CHCHD3: variants seen among roughly 807,000 people sequenced by gnomAD.
The protein encoded by CHCHD3 is coiled-coil-helix-coiled-coil-helix domain containing 3.
Under a neutral mutation model 38.2 loss-of-function variants are expected in CHCHD3, and 20 were observed. The observed-to-expected ratio is 0.52, with a 90% confidence interval of 0.37 to 0.76. The LOEUF (loss-of-function observed/expected upper bound fraction) is 0.76. Ranked by LOEUF, CHCHD3 falls within the 30% of genes least tolerant of loss-of-function variation. The pLI, the probability that CHCHD3 is intolerant of heterozygous loss-of-function variation, is 0.00. For synonymous variants in CHCHD3, 82 were observed against 100.0 expected (o/e 0.82, Z 1.07); for missense variants, 245 against 279.2 (o/e 0.88, Z 0.87).
intron 2 of CHCHD3, among the ~76,000 whole-genome samples, chr7:133,050,340 TAAAAAAAAAAAAAAA>T (rs35635002): frequency 1.9e-3 from 60 of 31,852 alleles, no homozygotes; most frequent in South Asian, 2.8e-3. Context: ...GGCTGTGTCT[TAAAAAAAAAAAAAAA>T]AAAAAAAAAA....
intron 3 of CHCHD3, among the ~76,000 whole-genome samples, chr7:132,975,929 A>AC (rs1811755714): frequency 1.3e-5 from 2 of 151,708 alleles, no homozygotes; most frequent in African/African-American, 4.8e-5. Flanking sequence ...TCCGTTTAAA[A>AC]AAAAAAAAAA....
chr7:132,848,730 T>C (rs534283232), intron 5 of CHCHD3, among the ~76,000 whole-genome samples: 1 of 152,276 alleles, frequency 6.6e-6, no homozygotes, highest in Non-Finnish European at 1.5e-5. Flanking sequence ...CTGTTATAGG[T>C]GGGCAGAAAA....
intron 3 of CHCHD3, among the ~76,000 whole-genome samples, chr7:133,015,544 C>T: frequency 6.6e-6 from 1 of 151,950 alleles, no homozygotes; most frequent in Non-Finnish European, 1.5e-5. Context: ...TTTAAGAGAC[C>T]TAAGAGACCT....
At chr7:133,047,376 T>A (rs960363055) in intron 2 of CHCHD3, among the ~76,000 whole-genome samples, 1 of 152,172 alleles carries the variant, frequency 6.6e-6, no homozygotes, top group Non-Finnish European at 1.5e-5. Context: ...TTTCACATAA[T>A]CATCTACATT....
intron 2 of CHCHD3, among the ~76,000 whole-genome samples, chr7:133,027,044 T>A (rs1035880639): frequency 6.6e-6 from 1 of 151,908 alleles, no homozygotes; most frequent in African/African-American, 2.4e-5. Flanking sequence ...TTCAAGTGAT[T>A]CTCCTGCCTC....
chr7:132,822,298 T>G (rs1807398842), intron 6 of CHCHD3, among the ~76,000 whole-genome samples: 1 of 152,198 alleles, frequency 6.6e-6, no homozygotes, highest in Non-Finnish European at 1.5e-5. Flanking sequence ...CACTAATGTT[T>G]TCAATTCACC....
intron 6 of CHCHD3, among the ~76,000 whole-genome samples, chr7:132,829,666 G>A (rs569760343): frequency 1.0e-3 from 155 of 152,312 alleles, no homozygotes; most frequent in African/African-American, 3.6e-3. Context: ...ATGGACTTAC[G>A]AAGGACGTGG....
intron 5 of CHCHD3, among the ~76,000 whole-genome samples, chr7:132,882,668 T>A (rs1809097115): frequency 6.6e-6 from 1 of 151,936 alleles, no homozygotes; most frequent in Non-Finnish European, 1.5e-5. Flanking sequence ...AATTGGTGAG[T>A]CTATGAGAAA....
At chr7:132,965,057 T>TTGTG (rs932006782) in intron 4 of CHCHD3, among the ~76,000 whole-genome samples, 17 of 57,482 alleles carry the variant, frequency 3.0e-4, no homozygotes, top group Non-Finnish European at 8.1e-4. Flanking sequence ...GCTATGGGTT[T>TTGTG]TATGTGTGTG....
At chr7:132,861,848 T>C (rs559454344) in intron 5 of CHCHD3, among the ~76,000 whole-genome samples, 4 of 152,334 alleles carry the variant, frequency 2.6e-5, no homozygotes, top group African/African-American at 7.2e-5. Flanking sequence ...TATAAATTAT[T>C]ATCAGTTTGC....
chr7:132,946,894 A>T (rs1810916591), intron 4 of CHCHD3, among the ~76,000 whole-genome samples: 1 of 151,914 alleles, frequency 6.6e-6, no homozygotes, highest in Admixed American at 6.6e-5. Flanking sequence ...TCAAATCCAC[A>T]GTAACTTTTA....
chr7:133,005,535 G>A (rs768689980), intron 3 of CHCHD3, among the ~76,000 whole-genome samples: 2 of 152,106 alleles, frequency 1.3e-5, no homozygotes, highest in African/African-American at 2.4e-5. Flanking sequence ...AAAAGTATAC[G>A]CTATATAATT....
rs1374797346 is a variant in CHCHD3 at position 132,891,868 on chromosome 7, A to C, written c.370-6123T>G. On this transcript the variant is annotated intron_variant, in intron 4 of 7. Coordinates refer to ENST00000262570, the MANE Select transcript of CHCHD3 (RefSeq NM_017812.4). ...AAGCATTTGACGGTTCCTCCTTCAC[A>C]TGCTCTTTCACTCTCTGGCTTGCCG... Among the ~76,000 whole-genome samples, 3 of 152,162 alleles carry C rather than the reference A, an allele frequency of 2.0e-5. 1 individual carries two copies. Among genetic ancestry groups the C allele is most frequent in the Non-Finnish European group, 4.4e-5 (3 of 68,016 alleles).
chr7:132,975,190 T>C lies in CHCHD3; in HGVS notation c.348A>G (p.Glu116=), dbSNP rs1201149716. Residue 116 remains glutamate, a synonymous_variant, in exon 4 of 8, where the codon GAA becomes GAG. Transcript: ENST00000262570. ...TCACCAGGTGCTTTGCCTTAGCGCGTTCCTCCTCGCTACATATCCTCTCCC... is the reference window on the plus strand; with the variant it reads ...TCACCAGGTGCTTTGCCTTAGCGCGCTCCTCCTCGCTACATATCCTCTCCC... ...ILRERICSEE[E]RAKAKHLARQ... 3 of 1,612,182 alleles carry C rather than the reference T, an allele frequency of 1.9e-6. No individual in the cohort carries two copies. Among genetic ancestry groups the C allele is most frequent in the South Asian group, 2.2e-5 (2 of 90,984 alleles).
chr7:133,026,999 G>A (rs186825815), intron 2 of CHCHD3, among the ~76,000 whole-genome samples: 21 of 151,202 alleles, frequency 1.4e-4, no homozygotes, highest in South Asian at 2.1e-4. Flanking sequence ...GTGCAGTGCC[G>A]TGATCTTGGC....
At chr7:132,893,569 G>A (rs1224203728) in intron 4 of CHCHD3, among the ~76,000 whole-genome samples, 1 of 152,160 alleles carries the variant, frequency 6.6e-6, no homozygotes, top group Non-Finnish European at 1.5e-5. Flanking sequence ...ATTTGGCAGG[G>A]GCCAGGGTGG....
At chr7:133,040,063 C>T (rs562764357) in intron 2 of CHCHD3, among the ~76,000 whole-genome samples, 2 of 152,274 alleles carry the variant, frequency 1.3e-5, no homozygotes, top group Admixed American at 6.5e-5. Context: ...CTATATTCGA[C>T]CCCACATATC....
At chr7:132,878,882 G>A (rs538021592) in intron 5 of CHCHD3, among the ~76,000 whole-genome samples, 1 of 152,298 alleles carries the variant, frequency 6.6e-6, no homozygotes, top group African/African-American at 2.4e-5. Flanking sequence ...TGATATGACA[G>A]TTAGAGACAG....
At chr7:132,877,762 A>G (rs930277751) in intron 5 of CHCHD3, among the ~76,000 whole-genome samples, 3 of 136,610 alleles carry the variant, frequency 2.2e-5, no homozygotes, top group Non-Finnish European at 3.3e-5. Flanking sequence ...AACTATAGAA[A>G]CCACAGGGAA....
Sources: allele counts gnomAD v4.1 joint callset (sites outside exome capture counted in the v4.1 genomes callset), GRCh38; gene constraint gnomAD v4.1.1; transcripts MANE v1.5; gene names NCBI Gene and HGNC (gene_info 2026-07-23, HGNC 2026-07-21).